The following AKAP13 variants were observed in gnomAD, a reference collection of about 807,000 sequenced individuals.
The protein encoded by AKAP13 is A-kinase anchoring protein 13.
AKAP13 carries 80 observed loss-of-function variants against 264.5 expected under a neutral mutation model. The observed-to-expected ratio is 0.30, with a 90% confidence interval of 0.25 to 0.36. AKAP13 has a LOEUF of 0.36. AKAP13 is among the 10% of genes least tolerant of loss of function. The pLI is 1.00. For missense variants in AKAP13, 3,712 were observed against 3,435.2 expected, an observed-to-expected ratio of 1.08 and a Z score of -2.01; for synonymous variants, 1,380 against 1,250.2, an observed-to-expected ratio of 1.10 and a Z score of -2.19.
chr15:85,726,669 A>G (rs1339598878), intron 27 of AKAP13, among the ~76,000 whole-genome samples, 183 bp downstream of exon 27: 1 of 152,136 alleles, frequency 6.6e-6, no homozygotes, highest in Non-Finnish European at 1.5e-5. Context: ...AAAAATTATT[A>G]TTCTGTTTCA....
chr15:85,398,049 T>A (rs186122714), intron 1 of AKAP13, among the ~76,000 whole-genome samples: 7 of 152,302 alleles, frequency 4.6e-5, no homozygotes, highest in African/African-American at 1.7e-4. Context: ...GGTCACACAG[T>A]TAGTATGTGG....
At chr15:85,432,889 T>C (rs1181278114) in intron 1 of AKAP13, among the ~76,000 whole-genome samples, 1 of 151,942 alleles carries the variant, frequency 6.6e-6, no homozygotes, top group East Asian at 1.9e-4. Context: ...TTGTCTGCTA[T>C]CTCCTTTCTC....
rs1313844974 is a variant in AKAP13, at chr15:85,743,517, T to C, written c.8084T>C (p.Met2695Thr). ...CQVSHPHTKL[M>T]RIPSFFPSPE... ...GTTTCCCATCCACATACCAAGCTGATGAGGATCCCATCGTTCTTCCCCAGT... is the reference window on the plus strand; with the variant it reads ...GTTTCCCATCCACATACCAAGCTGACGAGGATCCCATCGTTCTTCCCCAGT... The change falls in exon 36 of 37, where the codon ATG (methionine) becomes ACG (threonine). Residue 2695 changes from methionine (M) to threonine (T), a missense_variant. Coordinates refer to ENST00000394518, the MANE Select transcript of AKAP13 (RefSeq NM_007200.5). 6.2e-7 allele frequency: 1 copy of C among 1,614,142 alleles called. No homozygotes were observed. Among genetic ancestry groups the C allele is most frequent in the Admixed American group, 1.7e-5 (1 of 60,020 alleles).
In AKAP13 at chr15:85,684,742, A is replaced by C. The variant is rs1202234559; in HGVS notation, c.5158A>C (p.Ile1720Leu). Residue 1720 changes from isoleucine to leucine, a missense_variant and splice_region_variant, in exon 16 of 37, where the codon ATA becomes CTA. This residue lies in a region of AKAP13 where 2,759 missense variants were observed against 2,411.7 expected (regional missense o/e 1.14). Transcript: ENST00000394518. ...ATCAATCTTCTTGTTTTTATTTAGT[A>C]TAACAGAAGAGAACTATAATTTCCT... ...HNTSANLTES[I>L]TEENYNFLPH... 1.2e-6 allele frequency: 2 copies of C among 1,609,412 alleles called. No individual in the cohort carries two copies. Among genetic ancestry groups the C allele is most frequent in the South Asian group, 2.2e-5 (2 of 90,394 alleles).
chr15:85,630,165 A>ATAC (rs2081644009), intron 8 of AKAP13, among the ~76,000 whole-genome samples: 1 of 83,218 alleles, frequency 1.2e-5, no homozygotes, highest in Non-Finnish European at 2.4e-5. Flanking sequence ...TTTTTAACAC[A>ATAC]TACACACACA....
intron 16 of AKAP13, among the ~76,000 whole-genome samples, chr15:85,691,291 T>G (rs2085271760): frequency 6.6e-6 from 1 of 152,212 alleles, no homozygotes; most frequent in Non-Finnish European, 1.5e-5. Flanking sequence ...TCATTGATAC[T>G]GATAAGCCAG....
chr15:85,664,493 G>T, intron 12 of AKAP13, 70 bp from the exon 13 acceptor site: 1 of 1,465,402 alleles, frequency 6.8e-7, no homozygotes, highest in Non-Finnish European at 9.2e-7. Context: ...ATACCCAAAG[G>T]GATTTTGTGT....
chr15:85,531,028 A>G (rs34939874), intron 3 of AKAP13, among the ~76,000 whole-genome samples: 2,221 of 152,170 alleles, frequency 0.015, 37 homozygotes, highest in Middle Eastern at 0.027. Flanking sequence ...ATGCCCGGCT[A>G]ATTTTTATTT....
In AKAP13 at chr15:85,722,236, A is replaced by T. The variant is rs1469938306; in HGVS notation, c.6385A>T (p.Met2129Leu). The change falls in exon 25 of 37, where the codon ATG becomes TTG. Residue 2129 changes from methionine (M) to leucine (L), a missense_variant. Transcript: ENST00000394518. ...KRFQAFVKKK[M>L]SSSVVRRLGI... is the part of the protein sequence containing the mutation. ...TCTGTTTACTCCCTTGCAGAAGAAG[A>T]TGAGCAGTTCAGTTGTTAGAAGGCT... 2 of 1,612,898 alleles carry T rather than the reference A, an allele frequency of 1.2e-6. No individual in the cohort carries two copies. The highest frequency in any genetic ancestry group is 1.3e-5 in the African/African-American group (1 of 74,884).
intron 2 of AKAP13, among the ~76,000 whole-genome samples, chr15:85,504,745 T>C (rs1278968539): frequency 2.0e-5 from 3 of 149,126 alleles, no homozygotes; most frequent in Non-Finnish European, 3.0e-5. Context: ...TAGCCAAATA[T>C]ATGGTTTTGT....
chr15:85,578,821 A>G, intron 6 of AKAP13, 109 bp from the exon 7 acceptor site: 1 of 972,604 alleles, frequency 1.0e-6, no homozygotes, highest in South Asian at 1.6e-5. Context: ...GTGACCTTAG[A>G]AGAGCTAGAA....
intron 6 of AKAP13, among the ~76,000 whole-genome samples, chr15:85,576,514 A>C (rs761887644): frequency 7.3e-6 from 1 of 137,710 alleles, no homozygotes; most frequent in African/African-American, 3.6e-5. Context: ...ATATGTGTAC[A>C]TCTCTCTTGG....
intron 5 of AKAP13, among the ~76,000 whole-genome samples, chr15:85,561,032 A>C (rs2078352182): frequency 6.8e-6 from 1 of 148,120 alleles, no homozygotes; most frequent in South Asian, 2.1e-4. Flanking sequence ...TAGATGTGAT[A>C]TGCCATCTGG....
In AKAP13 at chr15:85,723,829, T is replaced by C. The variant is rs376554111; in HGVS notation, c.6745+509T>C. Among the ~76,000 whole-genome samples the C allele has an allele frequency of 1.4e-4, 22 of 152,354 alleles. No homozygotes were observed. The East Asian group carries it at 4.0e-3, about 28-fold the overall frequency. ...TTAACCCACATCAATTAGATTTTTTTATTGTTATAATTTATGATATTCGTA... is the reference window on the plus strand; with the variant it reads ...TTAACCCACATCAATTAGATTTTTTCATTGTTATAATTTATGATATTCGTA... On this transcript the variant is annotated intron_variant, in intron 26 of 36. Transcript: ENST00000394518.
At position 85,708,808 on chromosome 15, in the gene AKAP13, C is replaced by CA. The variant is rs1180549598; in HGVS notation, c.5532+723dup. On this transcript the variant is annotated intron_variant, in intron 18 of 36. Coordinates refer to ENST00000394518, the MANE Select transcript of AKAP13 (RefSeq NM_007200.5). The surrounding 1 kb of genome is among the most constrained non-coding windows in gnomAD (Gnocchi z 4.3). ...ATGATTAATGAGCTGTGTGCTTCGT[C>CA]AGTCACCAAACACAGTTATCTAGTG... 6.6e-6 allele frequency among the ~76,000 whole-genome samples: 1 copy of CA among 152,174 alleles called. No individual in the cohort carries two copies. The highest frequency in any genetic ancestry group is 1.5e-5 in the Non-Finnish European group (1 of 68,036).
Position 85,727,323 on chromosome 15 carries a change from G to A in AKAP13, c.7005-58G>A. ...GTGATTTCATAACAGGCTGGACTGT[G>A]ACCAGAGTAATTGACATCTTAGGAA... On this transcript the variant is annotated intron_variant, in intron 28 of 36. Coordinates refer to ENST00000394518, the MANE Select transcript of AKAP13 (RefSeq NM_007200.5). The surrounding 1 kb of genome is among the most constrained non-coding windows in gnomAD (Gnocchi z 5.3). The A allele has an allele frequency of 6.2e-7, 1 of 1,613,382 alleles. No individual in the cohort carries two copies. Among genetic ancestry groups the A allele is most frequent in the Non-Finnish European group, 8.5e-7 (1 of 1,179,548 alleles).
At chr15:85,512,700 C>G (rs1305290673) in intron 2 of AKAP13, among the ~76,000 whole-genome samples, 1 of 152,176 alleles carries the variant, frequency 6.6e-6, no homozygotes, top group Non-Finnish European at 1.5e-5. Context: ...GCAGTATTTG[C>G]AAAGCACCTC....
chr15:85,423,076 A>G (rs1169022009), intron 1 of AKAP13, among the ~76,000 whole-genome samples: 1 of 152,246 alleles, frequency 6.6e-6, no homozygotes, highest in Non-Finnish European at 1.5e-5. Context: ...AAATGCTAAC[A>G]ATCATGTGAA....
At chr15:85,557,079 C>T (rs1212001264) in intron 5 of AKAP13, among the ~76,000 whole-genome samples, 11 of 152,206 alleles carry the variant, frequency 7.2e-5, no homozygotes, top group African/African-American at 2.7e-4. Context: ...CTCTTAGTGC[C>T]ATTTTAAAAT....
Sources: gnomAD v4.1 joint callset for allele counts (sites outside exome capture counted in the v4.1 genomes callset) on GRCh38, gnomAD v4.1.1 for gene constraint, gnomAD v4.1.1 regional missense constraint, Gnocchi (gnomAD v3.1) non-coding constraint, MANE v1.5 for transcripts, NCBI Gene and HGNC (gene_info 2026-07-23, HGNC 2026-07-21) for gene names.